The following ARHGEF16 variants were observed in gnomAD, a reference collection of about 807,000 sequenced individuals.
The protein encoded by ARHGEF16 is Rho guanine exchange factor (GEF) 16.
ARHGEF16 carries 59 observed loss-of-function variants against 74.1 expected under a neutral mutation model. That is an observed-to-expected ratio of 0.80 (90% CI 0.65 to 0.99). The LOEUF (loss-of-function observed/expected upper bound fraction) is 0.99. Ranked by LOEUF, ARHGEF16 falls within the 50% of genes least tolerant of loss-of-function variation. The pLI, the probability that ARHGEF16 is intolerant of heterozygous loss-of-function variation, is 0.00. For synonymous variants in ARHGEF16, 415 were observed against 412.6 expected (o/e 1.01, Z -0.07); for missense variants, 948 against 986.6 (o/e 0.96, Z 0.52).
At chr1:3,464,062 G>C (rs1241308994) in intron 2 of ARHGEF16, among the ~76,000 whole-genome samples, 1 of 152,242 alleles carries the variant, frequency 6.6e-6, no homozygotes, top group African/African-American at 2.4e-5. Flanking sequence ...ATCTGCCCCG[G>C]CAGCTCCAGA....
intron 3 of ARHGEF16, 34 bp downstream of exon 3, chr1:3,466,227 G>A (rs1639539697): frequency 4.6e-6 from 7 of 1,531,498 alleles, no homozygotes; most frequent in Non-Finnish European, 6.1e-6. Flanking sequence ...CGCGGGCTGG[G>A]CTCCAGTTGA....
chr1:3,467,650 G>A (rs919582132), intron 4 of ARHGEF16, among the ~76,000 whole-genome samples: 3 of 152,224 alleles, frequency 2.0e-5, no homozygotes, highest in Admixed American at 6.5e-5. Flanking sequence ...CCCAGGAGAG[G>A]GCTGAATGAT....
At chr1:3,471,671 A>T in intron 6 of ARHGEF16, 1 of 1,231,474 alleles carries the variant, frequency 8.1e-7, no homozygotes, top group Non-Finnish European at 1.1e-6. Context: ...TTTGCCTCTG[A>T]CCTCCTCAGG....
intron 13 of ARHGEF16, 98 bp from the exon 14 acceptor site, chr1:3,479,714 T>G (rs1569885992): frequency 6.5e-7 from 1 of 1,544,916 alleles, no homozygotes; most frequent in Non-Finnish European, 8.9e-7. Flanking sequence ...GGGGATGGGG[T>G]GCCCCGGCCC....
chr1:3,472,204 G>A (rs1639745140), intron 6 of ARHGEF16, among the ~76,000 whole-genome samples: 1 of 152,242 alleles, frequency 6.6e-6, no homozygotes, highest in Admixed American at 6.5e-5. Flanking sequence ...CTGAGGGTCT[G>A]CAGGATGGAC....
chr1:3,457,316 C>T (rs544588710), intron 1 of ARHGEF16, among the ~76,000 whole-genome samples: 109 of 152,296 alleles, frequency 7.2e-4, no homozygotes, highest in Non-Finnish European at 1.2e-3. Flanking sequence ...CCCACTGGGC[C>T]GAGTGGGGTC....
intron 5 of ARHGEF16, among the ~76,000 whole-genome samples, chr1:3,469,150 T>G (rs534751262): frequency 1.2e-3 from 181 of 152,204 alleles, no homozygotes; most frequent in African/African-American, 4.1e-3. Flanking sequence ...ACCGGGTGAA[T>G]CCTCGGAGTC....
In ARHGEF16 at chr1:3,469,342, C is replaced by T. The variant is rs1194415168; in HGVS notation, c.862-91C>T. 11 of 1,483,726 alleles carry T rather than the reference C, an allele frequency of 7.4e-6. No individual in the cohort carries two copies. The Admixed American group carries it at 1.1e-4, about 15-fold the overall frequency. 91.9% of individuals were successfully genotyped at this position (1,483,726 alleles called of 1,614,324 possible). ...TCCTGTCCCCACCTGCCCCTGCCACCCGGGTCACGTCCTCCTGTTCCAAGC... is the reference window on the plus strand; with the variant it reads ...TCCTGTCCCCACCTGCCCCTGCCACTCGGGTCACGTCCTCCTGTTCCAAGC... On this transcript the variant is annotated intron_variant, in intron 5 of 14. Coordinates refer to ENST00000378378, the MANE Select transcript of ARHGEF16 (RefSeq NM_014448.4).
At chr1:3,477,715 C>T (rs4328022) in intron 10 of ARHGEF16, among the ~76,000 whole-genome samples, 160 bp from the exon 11 acceptor site, 10,046 of 152,120 alleles carry the variant, frequency 0.066, 549 homozygotes, top group East Asian at 0.2. Flanking sequence ...TTCCTCTGTC[C>T]AGCCCCGACT....
chr1:3,470,430 CA>C (rs1273928718), intron 6 of ARHGEF16, among the ~76,000 whole-genome samples: 29 of 135,660 alleles, frequency 2.1e-4, no homozygotes, highest in African/African-American at 8.2e-4. Context: ...GGGTGTGGGG[CA>C]GGGGTGTGTA....
At chr1:3,463,038 C>T (rs190893239) in intron 1 of ARHGEF16, 28 bp from the exon 2 acceptor site, 17 of 1,416,142 alleles carry the variant, frequency 1.2e-5, no homozygotes, top group African/African-American at 7.2e-5. Flanking sequence ...AGCAGCCTCA[C>T]GAGACCTCAC....
At chr1:3,477,819 C>T in intron 10 of ARHGEF16, 56 bp from the exon 11 acceptor site, 2 of 1,578,262 alleles carry the variant, frequency 1.3e-6, no homozygotes, top group Non-Finnish European at 1.7e-6. Flanking sequence ...CTCACCCCGG[C>T]TCTGTCCCCC....
chr1:3,472,903 T>TC, intron 6 of ARHGEF16, 175 bp from the exon 7 acceptor site: 2 of 214,280 alleles, frequency 9.3e-6, no homozygotes, highest in South Asian at 4.6e-5. Flanking sequence ...CTGTCCAGCA[T>TC]CCCAGGTCCG....
intron 5 of ARHGEF16, 59 bp from the exon 6 acceptor site, chr1:3,469,374 C>A: frequency 6.3e-7 from 1 of 1,589,432 alleles, no homozygotes; most frequent in South Asian, 1.1e-5. Context: ...AAGCATTGGT[C>A]ACCGAGGCAC....
At chr1:3,455,449 C>T (rs1315076853) in intron 1 of ARHGEF16, among the ~76,000 whole-genome samples, 1 of 152,158 alleles carries the variant, frequency 6.6e-6, no homozygotes, top group Non-Finnish European at 1.5e-5. Flanking sequence ...GGGTGCGTCC[C>T]ACCTACCAGG....
At chr1:3,469,666 G>A (rs991641038) in intron 6 of ARHGEF16, 73 bp downstream of exon 6, 15 of 1,574,752 alleles carry the variant, frequency 9.5e-6, no homozygotes, top group Middle Eastern at 1.7e-4. Context: ...GCACCGCACT[G>A]TCATCAGCAG....
intron 1 of ARHGEF16, among the ~76,000 whole-genome samples, chr1:3,458,932 A>G (rs1639328000): frequency 6.6e-6 from 1 of 152,250 alleles, no homozygotes; most frequent in East Asian, 1.9e-4. Flanking sequence ...AAGAAGTCCA[A>G]GTAGAGAAAA....
In ARHGEF16 at chr1:3,468,899, T is replaced by TG. The variant is rs1639625041; in HGVS notation, c.826dup (p.Asp276GlyfsTer6). 9.0e-6 allele frequency: 14 copies of TG among 1,550,424 alleles called. No individual in the cohort carries two copies. Among genetic ancestry groups the TG allele is most frequent in the African/African-American group, 1.4e-5 (1 of 73,142 alleles). ...CCCCAGGTGGTGGAATTGGGCATCCTGGACCAGCTCTCCACTGAGGAGCGG... is the reference window on the plus strand; with the variant it reads ...CCCCAGGTGGTGGAATTGGGCATCCTGGGACCAGCTCTCCACTGAGGAGCGG... On this transcript the variant is annotated frameshift_variant, in exon 5 of 15. Transcript: ENST00000378378. LOFTEE classifies it high-confidence loss of function.
intron 1 of ARHGEF16, among the ~76,000 whole-genome samples, chr1:3,459,050 A>G (rs1409432255): frequency 6.6e-6 from 1 of 152,232 alleles, no homozygotes; most frequent in Non-Finnish European, 1.5e-5. Flanking sequence ...AGAGTGGAAG[A>G]AATAATATGA....
Sources: gnomAD v4.1 joint callset for allele counts (sites outside exome capture counted in the v4.1 genomes callset) on GRCh38, gnomAD v4.1.1 for gene constraint, MANE v1.5 for transcripts, NCBI Gene and HGNC (gene_info 2026-07-23, HGNC 2026-07-21) for gene names.